Variants in SGMS2 observed in about 807,000 individuals in gnomAD.
SGMS2 encodes the protein sphingomyelin synthase 2.
SGMS2 carries 21 observed loss-of-function variants against 43.8 expected under a neutral mutation model. That is an observed-to-expected ratio of 0.48 (90% CI 0.34 to 0.69). The LOEUF is 0.69. SGMS2 is among the 30% of genes least tolerant of loss of function. The pLI is 0.01. For synonymous variants in SGMS2, 167 were observed against 160.6 expected, an observed-to-expected ratio of 1.04 and a Z score of -0.30; for missense variants, 384 against 443.2, an observed-to-expected ratio of 0.87 and a Z score of 1.20.
At chr4:107,890,324 G>A (rs1023950858) in intron 2 of SGMS2, among the ~76,000 whole-genome samples, 8 of 152,076 alleles carry the variant, frequency 5.3e-5, no homozygotes, top group African/African-American at 1.9e-4. Flanking sequence ...AAAGAGAAAG[G>A]AGAGACAGCA....
At chr4:107,872,305 A>G (rs527616032) in intron 2 of SGMS2, among the ~76,000 whole-genome samples, 2 of 152,214 alleles carry the variant, frequency 1.3e-5, no homozygotes, top group South Asian at 4.1e-4. Flanking sequence ...ATTGAGTGTT[A>G]TCTCATAAGC....
chr4:107,844,871 G>T (rs912209557), intron 1 of SGMS2, among the ~76,000 whole-genome samples: 3 of 152,070 alleles, frequency 2.0e-5, no homozygotes, highest in Non-Finnish European at 4.4e-5. Context: ...TTTCTTTCAG[G>T]TGCTGATTGA....
chr4:107,847,395 C>G (rs956750811), intron 1 of SGMS2, among the ~76,000 whole-genome samples: 2 of 152,072 alleles, frequency 1.3e-5, no homozygotes, highest in Non-Finnish European at 2.9e-5. Context: ...GCTTGTTTTT[C>G]TCAGGTTTGT....
intron 1 of SGMS2, among the ~76,000 whole-genome samples, chr4:107,827,948 T>C (rs528186964): frequency 2.6e-5 from 4 of 152,232 alleles, no homozygotes. Context: ...ATTGCGTCAC[T>C]GCACTCCAGC....
chr4:107,841,689 G>C (rs1466780619), intron 1 of SGMS2, among the ~76,000 whole-genome samples: 1 of 151,796 alleles, frequency 6.6e-6, no homozygotes, highest in African/African-American at 2.4e-5. Flanking sequence ...TAAGAGACAG[G>C]GTCTCACTAT....
rs981606446 is a variant in SGMS2, at chr4:107,867,281, G to A, written c.-245+8728G>A. 13 of 152,248 alleles carry A rather than the reference G, an allele frequency of 8.5e-5. No homozygotes were observed. The East Asian group carries it at 1.5e-3, about 18-fold the overall frequency. 9.4% of individuals were successfully genotyped at this position (152,248 alleles called of 1,614,324 possible). On this transcript the variant is annotated intron_variant, in intron 2 of 6. Coordinates refer to ENST00000690982, the MANE Select transcript of SGMS2 (RefSeq NM_001375905.1). ...TCTGTCCCCTATATCTGAAATGAAC[G>A]TAATTGGAAAGATTGGAGGAGTTAC...
intron 1 of SGMS2, among the ~76,000 whole-genome samples, chr4:107,831,155 A>G (rs1434555842): frequency 6.6e-6 from 1 of 152,198 alleles, no homozygotes; most frequent in Non-Finnish European, 1.5e-5. Flanking sequence ...GGCCAGGCCC[A>G]GCTGATTCTA....
chr4:107,887,184 T>C (rs1396081301), intron 2 of SGMS2, among the ~76,000 whole-genome samples: 1 of 152,210 alleles, frequency 6.6e-6, no homozygotes, highest in Non-Finnish European at 1.5e-5. Context: ...TCCTCTATTC[T>C]GATGTCACAG....
At chr4:107,902,896 C>G (rs913940493) in intron 4 of SGMS2, among the ~76,000 whole-genome samples, 6 of 152,086 alleles carry the variant, frequency 3.9e-5, no homozygotes, top group Non-Finnish European at 8.8e-5. Flanking sequence ...ACCCTCACTT[C>G]CCCCTGCAAA....
At chr4:107,846,164 A>T (rs1470823226) in intron 1 of SGMS2, among the ~76,000 whole-genome samples, 1 of 151,564 alleles carries the variant, frequency 6.6e-6, no homozygotes, top group Non-Finnish European at 1.5e-5. Context: ...CACAATGTGC[A>T]GGTTAGTTAC....
chr4:107,850,227 A>T (rs925632351), intron 1 of SGMS2, among the ~76,000 whole-genome samples: 2 of 152,200 alleles, frequency 1.3e-5, no homozygotes, highest in Non-Finnish European at 2.9e-5. Flanking sequence ...AAGCAAGCAG[A>T]TGCCAGCATC....
chr4:107,901,642 A>C (rs1466847784), intron 4 of SGMS2, among the ~76,000 whole-genome samples: 2 of 152,062 alleles, frequency 1.3e-5, no homozygotes, highest in Admixed American at 1.3e-4. Flanking sequence ...TTCACTTTTA[A>C]TTTTTTGCTT....
At chr4:107,877,715 C>T (rs6838587) in intron 2 of SGMS2, among the ~76,000 whole-genome samples, 107,845 of 151,892 alleles carry the variant, frequency 0.71, 39,192 homozygotes, top group African/African-American at 0.86. Flanking sequence ...TTATTGAAAG[C>T]GCAAATGTCT....
chr4:107,833,739 A>T (rs376024807), intron 1 of SGMS2, among the ~76,000 whole-genome samples: 1 of 152,188 alleles, frequency 6.6e-6, no homozygotes, highest in East Asian at 1.9e-4. Context: ...TTGCAGATGG[A>T]GTTAAGGGTG....
chr4:107,844,483 C>T (rs138888107), intron 1 of SGMS2, among the ~76,000 whole-genome samples: 1 of 152,226 alleles, frequency 6.6e-6, no homozygotes, highest in African/African-American at 2.4e-5. Context: ...TGAAAGATCA[C>T]ATGAGCCCAG....
Position 107,895,909 on chromosome 4 carries a change from A to G in SGMS2, c.356A>G (p.Asp119Gly). Residue 119 changes from aspartate (D) to glycine (G), a missense_variant, in exon 3 of 7, where the codon GAT (aspartate) becomes GGT (glycine). Coordinates refer to ENST00000690982, the MANE Select transcript of SGMS2 (RefSeq NM_001375905.1). Reference protein sequence around the residue: ...LSPPLPDKFFDYIDRVKWAFS... With the variant: ...LSPPLPDKFFGYIDRVKWAFS... ...CCTCCACTCCCAGACAAGTTTTTTG[A>G]TTACATTGATAGGGTGAAATGGGCA... is the stretch of plus-strand genomic sequence containing the variant. The G allele has an allele frequency of 6.2e-7, 1 of 1,613,932 alleles. No homozygotes were observed. Among genetic ancestry groups the G allele is most frequent in the Non-Finnish European group, 8.5e-7 (1 of 1,179,918 alleles).
At chr4:107,908,817 T>C in intron 6 of SGMS2, 86 bp downstream of exon 6, 1 of 1,216,130 alleles carries the variant, frequency 8.2e-7, no homozygotes, top group Non-Finnish European at 1.2e-6. Context: ...GATAGCCTAA[T>C]GGGGATAACC....
intron 2 of SGMS2, chr4:107,894,134 C>T (rs1263417644): frequency 3.3e-5 from 5 of 152,074 alleles, no homozygotes; most frequent in Admixed American, 3.3e-4. Flanking sequence ...TAAATAAAGG[C>T]TTAGCTGTCA....
intron 5 of SGMS2, among the ~76,000 whole-genome samples, chr4:107,907,692 A>G (rs1405629995): frequency 1.3e-5 from 2 of 152,248 alleles, no homozygotes; most frequent in African/African-American, 2.4e-5. Flanking sequence ...GAATGTAAAT[A>G]TCACTATAAA....
Sources: allele counts gnomAD v4.1 joint callset (sites outside exome capture counted in the v4.1 genomes callset), GRCh38; gene constraint gnomAD v4.1.1; transcripts MANE v1.5; gene names NCBI Gene and HGNC (gene_info 2026-07-23, HGNC 2026-07-21).